Variants in ATP11B observed in about 807,000 individuals in gnomAD.
ATP11B encodes the protein ATPase phospholipid transporting 11B (putative), also known as phospholipid-transporting ATPase IF.
In ATP11B, 81 loss-of-function variants were observed where a neutral mutation model predicts 157.8. The observed-to-expected ratio is 0.51, with a 90% CI of 0.43 to 0.62. The LOEUF (loss-of-function observed/expected upper bound fraction) is 0.62, where lower values mean the gene tolerates loss of function less well. Ranked by LOEUF, ATP11B falls within the 20% of genes least tolerant of loss-of-function variation. The probability of loss-of-function intolerance (pLI) is 0.00; values close to 1 mark genes in which losing one functional copy is unlikely to be tolerated. For synonymous variants in ATP11B, 451 were observed against 469.4 expected (o/e 0.96, Z 0.51); for missense variants, 1,165 against 1,402.2 (o/e 0.83, Z 2.70).
In ATP11B at chr3:182,879,662, G is replaced by C. The variant is rs1283698386; in HGVS notation, c.2406+13G>C. 6.3e-7 allele frequency: 1 copy of C among 1,588,890 alleles called. No homozygotes were observed. The highest frequency in any genetic ancestry group is 1.8e-5 in the Admixed American group (1 of 54,508). ...GCAGAAAGCAAAAGTATGTATATAT[G>C]TTATAAAAAAGTCCCATAAAGCTAT... is the stretch of plus-strand genomic sequence containing the variant. On this transcript the variant is annotated intron_variant, in intron 20 of 29. Transcript: ENST00000323116.
chr3:182,867,528 G>A (rs1181268451), intron 15 of ATP11B, 84 bp downstream of exon 15: 2 of 772,700 alleles, frequency 2.6e-6, no homozygotes, highest in Non-Finnish European at 4.2e-6. Flanking sequence ...TAGCTCACAG[G>A]GCAAATGTGG....
At chr3:182,900,489 C>T (rs1723877397) in intron 28 of ATP11B, among the ~76,000 whole-genome samples, 1 of 152,114 alleles carries the variant, frequency 6.6e-6, no homozygotes, top group South Asian at 2.1e-4. Flanking sequence ...TCTGATTCCT[C>T]TATCTGTCCA....
At chr3:182,809,550 G>T (rs564649944) in intron 1 of ATP11B, among the ~76,000 whole-genome samples, 1 of 152,130 alleles carries the variant, frequency 6.6e-6, no homozygotes, top group South Asian at 2.1e-4. Flanking sequence ...CGCCCTGCCC[G>T]CTCTGTACAC....
Position 182,869,302 on chromosome 3 carries a change from A to G in ATP11B, c.1837A>G (p.Thr613Ala). The change falls in exon 17 of 30, where the codon ACC (threonine) becomes GCC (alanine). Residue 613 changes from threonine (T) to alanine (A), a missense_variant. This residue lies in a region of ATP11B where 737 missense variants were observed against 930.5 expected (regional missense o/e 0.79). Transcript: ENST00000323116. ...PKCIGGEIEK[T>A]RIHVDEFALK... ...ATGTATAGGTGGAGAAATAGAAAAA[A>G]CCAGAATTCATGTAGATGAATTTGC... is the stretch of plus-strand genomic sequence containing the variant. 6.2e-7 allele frequency: 1 copy of G among 1,607,058 alleles called. No homozygotes were observed. Among genetic ancestry groups the G allele is most frequent in the Middle Eastern group, 1.8e-4 (1 of 5,614 alleles).
rs1293908303 is a variant in ATP11B at position 182,842,731 on chromosome 3, C to A, written c.704+609C>A. On this transcript the variant is annotated intron_variant, in intron 8 of 29. Transcript: ENST00000323116. ...CCAACATTATAACAAAAGACTGTAA[C>A]AAGGGCTATGGGAGTTATGAGCCAG... Among the ~76,000 whole-genome samples the A allele has an allele frequency of 3.9e-5, 6 of 152,270 alleles. No individual in the cohort carries two copies. In the East Asian group the frequency reaches 1.2e-3, roughly 29 times the overall value.
chr3:182,865,877 T>C (rs1448757816), intron 13 of ATP11B, among the ~76,000 whole-genome samples, 179 bp downstream of exon 13: 1 of 152,220 alleles, frequency 6.6e-6, no homozygotes, highest in Non-Finnish European at 1.5e-5. Flanking sequence ...CAGCCCAGTT[T>C]AACTTGTTAT....
chr3:182,817,288 T>G (rs761757907), intron 1 of ATP11B, among the ~76,000 whole-genome samples: 13 of 152,088 alleles, frequency 8.5e-5, no homozygotes, highest in African/African-American at 1.2e-4. Context: ...TTTTTTTTGT[T>G]TGTTTGTTTT....
intron 1 of ATP11B, among the ~76,000 whole-genome samples, chr3:182,817,408 A>T (rs1286101368): frequency 6.6e-6 from 1 of 151,902 alleles, no homozygotes; most frequent in Non-Finnish European, 1.5e-5. Context: ...AGCCTCCCAA[A>T]TAGCTGGGAC....
intron 23 of ATP11B, among the ~76,000 whole-genome samples, chr3:182,887,334 AACTC>A (rs1249076553): frequency 1.3e-5 from 2 of 152,212 alleles, no homozygotes; most frequent in Non-Finnish European, 2.9e-5. Context: ...ATGTTGATCT[AACTC>A]ACGATAATTC....
intron 29 of ATP11B, chr3:182,916,657 CAA>C: frequency 1.0e-6 from 1 of 983,570 alleles, no homozygotes; most frequent in Non-Finnish European, 1.2e-6. Flanking sequence ...ATATGTAGTT[CAA>C]GTGTTTAATG....
intron 21 of ATP11B, among the ~76,000 whole-genome samples, chr3:182,883,291 CTT>C (rs1297589965): frequency 6.6e-6 from 1 of 150,898 alleles, no homozygotes; most frequent in Non-Finnish European, 1.5e-5. Context: ...GAGCTTCACT[CTT>C]GTTTGCCAGG....
intron 12 of ATP11B, among the ~76,000 whole-genome samples, chr3:182,862,333 T>A (rs1283863440): frequency 6.6e-6 from 1 of 152,050 alleles, no homozygotes; most frequent in Non-Finnish European, 1.5e-5. Flanking sequence ...CAGAAGCTAT[T>A]GATTCAGTGG....
rs894404633 is a variant in ATP11B at position 182,796,406 on chromosome 3, T to C, written c.27+2620T>C. Among the ~76,000 whole-genome samples the C allele has an allele frequency of 5.3e-5, 8 of 152,328 alleles. No individual in the cohort carries two copies. The South Asian group carries it at 1.7e-3, about 32-fold the overall frequency. On this transcript the variant is annotated intron_variant, in intron 1 of 29. Coordinates refer to ENST00000323116, the MANE Select transcript of ATP11B (RefSeq NM_014616.3). Reference sequence around the variant, plus strand: ...ATTAGCTACTCACTGTATTCTAATATTTAGACCTGTACGGTAGCCATTAGC... The same window carrying C: ...ATTAGCTACTCACTGTATTCTAATACTTAGACCTGTACGGTAGCCATTAGC...
At chr3:182,865,139 A>G (rs1014493441) in intron 12 of ATP11B, among the ~76,000 whole-genome samples, 4 of 152,152 alleles carry the variant, frequency 2.6e-5, no homozygotes, top group Non-Finnish European at 4.4e-5. Context: ...GAGTCCTACT[A>G]CTTAAAATAC....
chr3:182,815,478 T>C (rs1173116999), intron 1 of ATP11B, among the ~76,000 whole-genome samples: 1 of 152,190 alleles, frequency 6.6e-6, no homozygotes, highest in Non-Finnish European at 1.5e-5. Flanking sequence ...CCCAGAAGCA[T>C]TGGTATTTTT....
At chr3:182,868,716 G>T (rs1721426274) in intron 15 of ATP11B, among the ~76,000 whole-genome samples, 1 of 152,136 alleles carries the variant, frequency 6.6e-6, no homozygotes, top group Non-Finnish European at 1.5e-5. Flanking sequence ...GGCAGATCTG[G>T]ATTCCAGTTC....
At position 182,837,476 on chromosome 3, in the gene ATP11B, A is replaced by G. The variant is rs376571927; in HGVS notation, c.656+302A>G. The stretch of plus-strand genomic sequence containing the variant: ...CAGTAGTTATAGTAGACATAAGATT[A>G]TTTTCTTAGAAGAAAATAATGATTT... On this transcript the variant is annotated intron_variant, in intron 7 of 29. Coordinates refer to ENST00000323116, the MANE Select transcript of ATP11B (RefSeq NM_014616.3). 3.9e-5 allele frequency among the ~76,000 whole-genome samples: 6 copies of G among 152,164 alleles called. 2 individuals are homozygous for G. Among genetic ancestry groups the G allele is most frequent in the Non-Finnish European group, 1.5e-5 (1 of 67,914 alleles).
chr3:182,853,376 T>C (rs1720127805), intron 10 of ATP11B, among the ~76,000 whole-genome samples: 1 of 151,958 alleles, frequency 6.6e-6, no homozygotes, highest in Admixed American at 6.6e-5. Context: ...CCCAGCTCAT[T>C]TTTGTATTTT....
intron 1 of ATP11B, among the ~76,000 whole-genome samples, chr3:182,803,698 T>A (rs1716149662): frequency 6.6e-6 from 1 of 152,350 alleles, no homozygotes; most frequent in Non-Finnish European, 1.5e-5. Flanking sequence ...GGGAATTTGT[T>A]TTCTCCCGTA....
Sources: gnomAD v4.1 joint callset for allele counts (sites outside exome capture counted in the v4.1 genomes callset) on GRCh38, gnomAD v4.1.1 for gene constraint, gnomAD v4.1.1 regional missense constraint, MANE v1.5 for transcripts, NCBI Gene and HGNC (gene_info 2026-07-23, HGNC 2026-07-21) for gene names.